KIF9: variants seen among roughly 807,000 people sequenced by gnomAD.
KIF9 encodes the protein kinesin-like protein KIF9.
A neutral mutation model predicts 94.8 loss-of-function variants in KIF9; 68 were observed. The observed-to-expected ratio is 0.72, with a 90% confidence interval of 0.59 to 0.88. The LOEUF (loss-of-function observed/expected upper bound fraction) is 0.88, where lower values mean the gene tolerates loss of function less well. KIF9 is among the 40% of genes least tolerant of loss of function. The probability of loss-of-function intolerance (pLI) is 0.00; values close to 1 mark genes in which losing one functional copy is unlikely to be tolerated. For synonymous variants in KIF9, 343 were observed against 362.1 expected (o/e 0.95, Z 0.60); for missense variants, 882 against 982.5 (o/e 0.90, Z 1.37).
intron 9 of KIF9, among the ~76,000 whole-genome samples, chr3:47,258,923 G>C (rs1700785640): frequency 6.6e-6 from 1 of 152,094 alleles, no homozygotes; most frequent in East Asian, 1.9e-4. Flanking sequence ...TGTCAGTCAG[G>C]ACCAGCCACA....
At chr3:47,239,563 G>T in intron 17 of KIF9, 1 of 1,085,232 alleles carries the variant, frequency 9.2e-7, no homozygotes, top group Non-Finnish European at 1.1e-6. Flanking sequence ...AAATAAAGTT[G>T]CCCTCTGAGA....
chr3:47,282,516 C>G lies in KIF9; in HGVS notation c.-27G>C. On this transcript the variant is annotated 5_prime_UTR_variant, in exon 1 of 21. Transcript: ENST00000684063. ...TCACCGTTCACCAGGCAGCGACGCT[C>G]CCGGGACGCGACTGCCGCAACCGAA... 1 of 997,530 alleles carries G rather than the reference C, an allele frequency of 1.0e-6. No homozygotes were observed. The highest frequency in any genetic ancestry group is 1.2e-6 in the Non-Finnish European group (1 of 836,582). 61.8% of individuals were successfully genotyped at this position (997,530 alleles called of 1,614,324 possible).
In KIF9 at chr3:47,275,398, G is replaced by A. The variant is rs745897934; in HGVS notation, c.186C>T (p.His62=). ...CATAAACCAAGTCCTGGGAGGCATC[G>A]TGAAGAACTCCATCCAACTTAAACG... is the stretch of plus-strand genomic sequence containing the variant. ...DWSFKLDGVL[H]DASQDLVYET... Residue 62 remains histidine, a synonymous_variant, in exon 3 of 21, where the codon CAC becomes CAT. Transcript: ENST00000684063. The A allele has an allele frequency of 3.9e-5, 63 of 1,613,554 alleles. No homozygotes were observed. Among genetic ancestry groups the A allele is most frequent in the South Asian group, 2.4e-4 (22 of 91,060 alleles).
At position 47,273,633 on chromosome 3, in the gene KIF9, C is replaced by T. The variant is rs775421958; in HGVS notation, c.285G>A (p.Thr95=). Reference sequence around the variant, plus strand: ...TCATGGTGTATGTCTTGCCAGCTCCCGTCTGCCCATAACACATGATGGTGC... The same window carrying T: ...TCATGGTGTATGTCTTGCCAGCTCCTGTCTGCCCATAACACATGATGGTGC... ...YNGTIMCYGQ[T]GAGKTYTMMG... Residue 95 remains threonine, a synonymous_variant, in exon 4 of 21, where the codon ACG becomes ACA. Transcript: ENST00000684063. 9 of 1,613,992 alleles carry T rather than the reference C, an allele frequency of 5.6e-6. No individual in the cohort carries two copies. The highest frequency in any genetic ancestry group is 2.7e-5 in the African/African-American group (2 of 74,922).
chr3:47,236,022 T>G lies in KIF9; in HGVS notation c.2217+12A>C, dbSNP rs1425331874. On this transcript the variant is annotated intron_variant, in intron 19 of 20. Transcript: ENST00000684063. ...TCAACCACTGCCACACCCCTGCCCC[T>G]GTGCCGCTCACCAGAGACACAATCC... is the stretch of plus-strand genomic sequence containing the variant. 1 of 1,601,872 alleles carries G rather than the reference T, an allele frequency of 6.2e-7. No individual in the cohort carries two copies. The highest frequency in any genetic ancestry group is 1.7e-5 in the Admixed American group (1 of 59,984).
intron 20 of KIF9, among the ~76,000 whole-genome samples, chr3:47,229,489 GAAAC>G (rs982320595): frequency 1.3e-5 from 2 of 152,054 alleles, no homozygotes; most frequent in African/African-American, 4.8e-5. Context: ...AGTAAAACAG[GAAAC>G]AGATTTTGAC....
chr3:47,260,988 G>A (rs1476098937), intron 9 of KIF9, among the ~76,000 whole-genome samples: 2 of 152,248 alleles, frequency 1.3e-5, no homozygotes, highest in East Asian at 3.8e-4. Context: ...CAGTGGAACT[G>A]AGAAAGGCCT....
At position 47,282,721 on chromosome 3, in the gene KIF9, A is replaced by C; in HGVS notation, c.-232T>G. The C allele has an allele frequency of 7.1e-7, 1 of 1,402,146 alleles. No homozygotes were observed. The highest frequency in any genetic ancestry group is 1.5e-5 in the South Asian group (1 of 65,646). 86.9% of individuals were successfully genotyped at this position (1,402,146 alleles called of 1,614,324 possible). ...GACGAGAGATGGGGCCGATTGATCT[A>C]GAAAGACTTCGGCGGATGCACATGC... On this transcript the variant is annotated 5_prime_UTR_variant, in exon 1 of 21. It removes the in-frame stop codon of an upstream open reading frame in the 5' UTR. Coordinates refer to ENST00000684063, the MANE Select transcript of KIF9 (RefSeq NM_182902.4).
At chr3:47,235,402 T>C in intron 20 of KIF9, 111 bp downstream of exon 20, 1 of 768,738 alleles carries the variant, frequency 1.3e-6, no homozygotes, top group Non-Finnish European at 2.2e-6. Flanking sequence ...GTGACTAATC[T>C]CCTTGGAATG....
At chr3:47,276,392 C>A (rs1047977349) in intron 2 of KIF9, among the ~76,000 whole-genome samples, 1 of 151,732 alleles carries the variant, frequency 6.6e-6, no homozygotes, top group Non-Finnish European at 1.5e-5. Flanking sequence ...CCCGTCTCTA[C>A]TAAAAATACA....
intron 10 of KIF9, among the ~76,000 whole-genome samples, chr3:47,255,463 T>C (rs1366819197): frequency 2.6e-5 from 4 of 152,164 alleles, no homozygotes; most frequent in Admixed American, 6.5e-5. Context: ...GGTCCACACT[T>C]TAGCCCTTAG....
At chr3:47,242,095 C>T (rs958800714) in intron 16 of KIF9, among the ~76,000 whole-genome samples, 6 of 151,630 alleles carry the variant, frequency 4.0e-5, no homozygotes, top group African/African-American at 1.5e-4. Context: ...GTTGCCCAGG[C>T]TCTCCAACTC....
intron 12 of KIF9, 44 bp from the exon 13 acceptor site, chr3:47,246,296 C>T (rs932066260): frequency 5.2e-6 from 8 of 1,551,136 alleles, no homozygotes; most frequent in Non-Finnish European, 7.1e-6. Flanking sequence ...AAGGGCACCT[C>T]GAGGGACCAG....
rs1477925187 is a variant in KIF9 at position 47,277,348 on chromosome 3, T to C, written c.27A>G (p.Ala9=). The change falls in exon 2 of 21, where the codon GCA becomes GCG. Residue 9 remains alanine (A), a synonymous_variant. Coordinates refer to ENST00000684063, the MANE Select transcript of KIF9 (RefSeq NM_182902.4). The part of the protein sequence containing the change: MGTRKKVH[A]FVRVKPTDDF... ...CATCGGTGGGTTTGACACGGACAAA[T>C]GCATGAACTTTTTTCCTAGTACCCA... 3 of 1,613,864 alleles carry C rather than the reference T, an allele frequency of 1.9e-6. No individual in the cohort carries two copies. Among genetic ancestry groups the C allele is most frequent in the Admixed American group, 3.3e-5 (2 of 59,982 alleles).
In KIF9 at chr3:47,271,306, T is replaced by A; in HGVS notation, c.522A>T (p.Gly174=). Residue 174 remains glycine, a synonymous_variant, in exon 5 of 21, where the codon GGA becomes GGT. Coordinates refer to ENST00000684063, the MANE Select transcript of KIF9 (RefSeq NM_182902.4). ...TPMTIVENPQ[G]VFIKGLSVHL... Reference sequence around the variant, plus strand: ...GAACTGACAAGCCCTTAATGAAGACTCCTTGAGGGTTTTCCACGATGGTCA... The same window carrying A: ...GAACTGACAAGCCCTTAATGAAGACACCTTGAGGGTTTTCCACGATGGTCA... The A allele has an allele frequency of 1.9e-6, 3 of 1,614,074 alleles. No homozygotes were observed. The South Asian group carries it at 3.3e-5, about 18-fold the overall frequency.
intron 9 of KIF9, among the ~76,000 whole-genome samples, chr3:47,258,979 C>T (rs1338339735): frequency 6.6e-6 from 1 of 152,168 alleles, no homozygotes; most frequent in African/African-American, 2.4e-5. Flanking sequence ...GCCATAGTGG[C>T]CAGTGCAGGT....
At chr3:47,279,497 A>T (rs546218902) in intron 1 of KIF9, among the ~76,000 whole-genome samples, 1 of 152,052 alleles carries the variant, frequency 6.6e-6, no homozygotes, top group Non-Finnish European at 1.5e-5. Flanking sequence ...AAAATCAAAA[A>T]ATCTAAGTAA....
chr3:47,275,296 A>G (rs775738300), intron 3 of KIF9, 29 bp downstream of exon 3: 4 of 1,544,718 alleles, frequency 2.6e-6, no homozygotes, highest in Non-Finnish European at 3.5e-6. Context: ...AGGTTCTTAC[A>G]TAAGACAACA....
chr3:47,263,784 A>G (rs1276297449), intron 9 of KIF9: 1 of 451,014 alleles, frequency 2.2e-6, no homozygotes, highest in African/African-American at 2.0e-5. Context: ...GAGGATGCTG[A>G]GGCCCAAGGG....
Sources: gnomAD v4.1 joint callset for allele counts (sites outside exome capture counted in the v4.1 genomes callset) on GRCh38, gnomAD v4.1.1 for gene constraint, MANE v1.5 for transcripts, NCBI Gene and HGNC (gene_info 2026-07-23, HGNC 2026-07-21) for gene names.